LRRTM4: variants seen among roughly 807,000 people sequenced by gnomAD.
LRRTM4 encodes the protein leucine rich repeat transmembrane neuronal 4.
LRRTM4 carries 25 observed loss-of-function variants against 47.6 expected under a neutral mutation model. The observed-to-expected ratio is 0.53, with a 90% CI of 0.38 to 0.73. The LOEUF is 0.73. LRRTM4 is among the 30% of genes least tolerant of loss of function. The probability of loss-of-function intolerance (pLI) is 0.00; values close to 1 mark genes in which losing one functional copy is unlikely to be tolerated. For missense variants in LRRTM4, 638 were observed against 713.4 expected (o/e 0.89, Z 1.20); for synonymous variants, 311 against 269.5 (o/e 1.15, Z -1.51).
In LRRTM4 at chr2:77,052,575, A is replaced by AT. The variant is rs113229609; in HGVS notation, c.1552-303660dup. ...AGTCTCCTCCCATCTTTCAACTGGTATTTTTTTTTTACTGATCTGAAGGAA... is the reference window on the plus strand; with the variant it reads ...AGTCTCCTCCCATCTTTCAACTGGTATTTTTTTTTTTACTGATCTGAAGGAA... On this transcript the variant is annotated intron_variant, in intron 3 of 3. Coordinates refer to ENST00000409884, the MANE Select transcript of LRRTM4 (RefSeq NM_001134745.3). 9.9e-3 allele frequency among the ~76,000 whole-genome samples: 1,467 copies of AT among 148,826 alleles called. 23 individuals are homozygous for AT. Among genetic ancestry groups the AT allele is most frequent in the African/African-American group, 0.033 (1,327 of 40,808 alleles).
chr2:77,107,284 G>T (rs535372058), intron 3 of LRRTM4, among the ~76,000 whole-genome samples: 55 of 142,412 alleles, frequency 3.9e-4, no homozygotes, highest in Middle Eastern at 4.0e-3. Flanking sequence ...AATAAACAAT[G>T]AACTATATTA....
intron 3 of LRRTM4, among the ~76,000 whole-genome samples, chr2:77,087,344 A>G (rs1226939496): frequency 6.6e-6 from 1 of 152,250 alleles, no homozygotes; most frequent in African/African-American, 2.4e-5. Context: ...TAGAAACAAA[A>G]AATCTCACCC....
At chr2:76,974,283 T>C (rs1676343845) in intron 3 of LRRTM4, among the ~76,000 whole-genome samples, 1 of 146,680 alleles carries the variant, frequency 6.8e-6, no homozygotes, top group African/African-American at 2.5e-5. Flanking sequence ...TATGGATTAT[T>C]TTGACATACC....
intron 3 of LRRTM4, among the ~76,000 whole-genome samples, chr2:77,297,772 T>C (rs1284912819): frequency 6.6e-6 from 1 of 152,158 alleles, no homozygotes; most frequent in African/African-American, 2.4e-5. Context: ...AATGATATAA[T>C]GAGAGAAGTT....
At chr2:76,765,837 A>G (rs955681826) in intron 3 of LRRTM4, among the ~76,000 whole-genome samples, 5 of 152,242 alleles carry the variant, frequency 3.3e-5, no homozygotes, top group African/African-American at 1.2e-4. Flanking sequence ...AAGGCTTTGT[A>G]TGAAGATATG....
chr2:77,110,655 C>T (rs1671224321), intron 3 of LRRTM4, among the ~76,000 whole-genome samples: 1 of 152,016 alleles, frequency 6.6e-6, no homozygotes, highest in African/African-American at 2.4e-5. Context: ...CAAGAATGGA[C>T]TTGTGAAATA....
intron 3 of LRRTM4, among the ~76,000 whole-genome samples, chr2:77,366,149 C>T (rs1281198135): frequency 2.2e-5 from 2 of 90,244 alleles, no homozygotes; most frequent in Non-Finnish European, 5.9e-5. Flanking sequence ...ATTTCTACCT[C>T]TATTGCTCTA....
rs575042833 is a variant in LRRTM4, at chr2:77,141,591, G to A, written c.1551+376727C>T. Among the ~76,000 whole-genome samples, 4 of 152,228 alleles carry A rather than the reference G, an allele frequency of 2.6e-5. No individual in the cohort carries two copies. In the East Asian group the frequency reaches 5.8e-4, roughly 22 times the overall value. The stretch of plus-strand genomic sequence containing the variant: ...CATATGTAACAAACCTGCACGTTGT[G>A]CACATGTACCCTAGAAATTAAAGTA... On this transcript the variant is annotated intron_variant, in intron 3 of 3. Coordinates refer to ENST00000409884, the MANE Select transcript of LRRTM4 (RefSeq NM_001134745.3).
intron 3 of LRRTM4, among the ~76,000 whole-genome samples, chr2:77,488,993 G>A (rs11885095): frequency 0.46 from 33,735 of 73,728 alleles, 4,015 homozygotes; most frequent in South Asian, 0.55. Context: ...AAAACTTAAA[G>A]TATAATAATA....
intron 3 of LRRTM4, among the ~76,000 whole-genome samples, chr2:77,378,691 G>A (rs1319879250): frequency 6.6e-6 from 1 of 152,124 alleles, no homozygotes; most frequent in Admixed American, 6.6e-5. Flanking sequence ...AAGCTTTGAA[G>A]CCAGGCTTAC....
chr2:77,007,205 AGAT>A (rs1677688703), intron 3 of LRRTM4, among the ~76,000 whole-genome samples: 1 of 152,012 alleles, frequency 6.6e-6, no homozygotes, highest in South Asian at 2.1e-4. Context: ...TGCACACACA[AGAT>A]GAAGTGTGGG....
At chr2:77,197,752 C>T (rs1425483585) in intron 3 of LRRTM4, among the ~76,000 whole-genome samples, 1 of 152,036 alleles carries the variant, frequency 6.6e-6, no homozygotes, top group Admixed American at 6.6e-5. Flanking sequence ...TATGCCGTAC[C>T]CTACTCTCCT....
At chr2:77,034,395 C>T (rs1279922498) in intron 3 of LRRTM4, among the ~76,000 whole-genome samples, 2 of 151,840 alleles carry the variant, frequency 1.3e-5, no homozygotes, top group Admixed American at 6.6e-5. Context: ...TTTTCTTCTA[C>T]GTTTTTCTAG....
intron 3 of LRRTM4, among the ~76,000 whole-genome samples, chr2:76,780,562 G>C (rs138823080): frequency 0.068 from 10,327 of 151,972 alleles, 1,116 homozygotes; most frequent in African/African-American, 0.23. Context: ...GGCTCCTGAG[G>C]CTTCTGCATT....
rs1174512706 is a variant in LRRTM4, at chr2:77,292,101, C to T, written c.1551+226217G>A. Among the ~76,000 whole-genome samples, 3 of 152,158 alleles carry T rather than the reference C, an allele frequency of 2.0e-5. No homozygotes were observed. The East Asian group carries it at 5.8e-4, about 29-fold the overall frequency. ...CCAAAAAAACACATGAAAAAATGCTCACCATCACTGGCTATCAGAGAAATG... is the reference window on the plus strand; with the variant it reads ...CCAAAAAAACACATGAAAAAATGCTTACCATCACTGGCTATCAGAGAAATG... On this transcript the variant is annotated intron_variant, in intron 3 of 3. Coordinates refer to ENST00000409884, the MANE Select transcript of LRRTM4 (RefSeq NM_001134745.3).
chr2:76,864,059 T>A (rs1672396093), intron 3 of LRRTM4, among the ~76,000 whole-genome samples: 1 of 152,138 alleles, frequency 6.6e-6, no homozygotes, highest in South Asian at 2.1e-4. Flanking sequence ...TGTTACTAAA[T>A]AAATTGGGAA....
intron 3 of LRRTM4, among the ~76,000 whole-genome samples, chr2:76,913,473 A>G (rs1456473299): frequency 6.6e-6 from 1 of 151,376 alleles, no homozygotes; most frequent in Non-Finnish European, 1.5e-5. Context: ...CTTCACATGG[A>G]TATTTTTAAC....
intron 3 of LRRTM4, among the ~76,000 whole-genome samples, chr2:77,353,021 T>C (rs1442766107): frequency 6.6e-6 from 1 of 152,174 alleles, no homozygotes; most frequent in Non-Finnish European, 1.5e-5. Context: ...TATAAAATGC[T>C]AATTTCTTTA....
chr2:77,176,259 A>G (rs1161964587), intron 3 of LRRTM4, among the ~76,000 whole-genome samples: 2 of 152,156 alleles, frequency 1.3e-5, no homozygotes, highest in Non-Finnish European at 2.9e-5. Flanking sequence ...CAGTTTATCA[A>G]TGCCTCTTCA....
Sources: gnomAD v4.1 joint callset for allele counts (sites outside exome capture counted in the v4.1 genomes callset) on GRCh38, gnomAD v4.1.1 for gene constraint, MANE v1.5 for transcripts, NCBI Gene and HGNC (gene_info 2026-07-23, HGNC 2026-07-21) for gene names.